Variants in PIK3C2A observed in about 807,000 individuals in gnomAD.
PIK3C2A encodes the protein phosphatidylinositol 4-phosphate 3-kinase C2 domain-containing subunit alpha.
In PIK3C2A, 97 loss-of-function variants were observed where a neutral mutation model predicts 204.5. That is an observed-to-expected ratio of 0.47 (90% CI 0.40 to 0.56). The LOEUF (loss-of-function observed/expected upper bound fraction) is 0.56. PIK3C2A is among the 20% of genes least tolerant of loss of function. The pLI, the probability that PIK3C2A is intolerant of heterozygous loss-of-function variation, is 0.00. For synonymous variants in PIK3C2A, 653 were observed against 664.4 expected, an observed-to-expected ratio of 0.98 and a Z score of 0.26; for missense variants, 1,735 against 1,969.2, an observed-to-expected ratio of 0.88 and a Z score of 2.25.
intron 1 of PIK3C2A, among the ~76,000 whole-genome samples, chr11:17,198,994 C>T (rs867379238): frequency 1.3e-5 from 2 of 151,958 alleles, no homozygotes; most frequent in Non-Finnish European, 2.9e-5. Context: ...TGACAGGCAC[C>T]TGTAATCCCA....
intron 2 of PIK3C2A, 40 bp from the exon 3 acceptor site, chr11:17,155,669 T>A (rs750644059): frequency 1.7e-6 from 2 of 1,175,524 alleles, no homozygotes. Flanking sequence ...AAGTGGAAGA[T>A]CCACAAAATG....
chr11:17,195,161 T>C (rs1852104310), intron 1 of PIK3C2A, among the ~76,000 whole-genome samples: 1 of 151,982 alleles, frequency 6.6e-6, no homozygotes, highest in Non-Finnish European at 1.5e-5. Flanking sequence ...ATACTCATAA[T>C]CCCAGCACTT....
rs73433263 is a variant in PIK3C2A, at chr11:17,153,153, C to T, written c.1169+2373G>A. ...ACACTATTAGATGAACTTTCTCGAC[C>T]GGGTGTGGTGGCTCACACCTGTAAT... On this transcript the variant is annotated intron_variant, in intron 3 of 32. Transcript: ENST00000691414. Among the ~76,000 whole-genome samples the T allele has an allele frequency of 6.4e-3, 974 of 152,144 alleles. 8 individuals carry two copies. Among genetic ancestry groups the T allele is most frequent in the African/African-American group, 0.021 (888 of 41,492 alleles).
At chr11:17,124,281 G>A (rs148163314) in intron 13 of PIK3C2A, among the ~76,000 whole-genome samples, 163 of 152,156 alleles carry the variant, frequency 1.1e-3, no homozygotes, top group African/African-American at 3.7e-3. Flanking sequence ...AAAGTTTCCT[G>A]TAATAAGTAC....
chr11:17,142,288 G>C (rs1295061455), intron 8 of PIK3C2A, among the ~76,000 whole-genome samples: 1 of 152,114 alleles, frequency 6.6e-6, no homozygotes, highest in Non-Finnish European at 1.5e-5. Context: ...TCAGTATAGG[G>C]ATATACCAAG....
intron 2 of PIK3C2A, among the ~76,000 whole-genome samples, chr11:17,168,185 A>G (rs1215295075): frequency 6.6e-6 from 1 of 152,238 alleles, no homozygotes; most frequent in Non-Finnish European, 1.5e-5. Context: ...CAATTTTTCA[A>G]TTGGCCTAAT....
rs1279069310 is a variant in PIK3C2A at position 17,089,078 on chromosome 11, A to C, written c.*660T>G. 1 of 152,250 alleles carries C rather than the reference A, an allele frequency of 6.6e-6. No individual in the cohort carries two copies. Among genetic ancestry groups the C allele is most frequent in the Non-Finnish European group, 1.5e-5 (1 of 68,042 alleles). The allele number at this position is 152,250 out of a possible 1,614,324, so 9.4% of individuals were successfully genotyped here. ...TACTAATTATTTATCAAATCAGGAA[A>C]AAAATCAGAAACGAAGTGCCAGGGA... On this transcript the variant is annotated 3_prime_UTR_variant, in exon 33 of 33. Transcript: ENST00000691414.
At position 17,087,820 on chromosome 11, in the gene PIK3C2A, T is replaced by A. The variant is rs1208539854; in HGVS notation, c.*1918A>T. Reference sequence around the variant, plus strand: ...GCTTTGATCTGCATTTTAATTAACATTAAATAGACAACACATTTTAACATT... The same window carrying A: ...GCTTTGATCTGCATTTTAATTAACAATAAATAGACAACACATTTTAACATT... On this transcript the variant is annotated 3_prime_UTR_variant, in exon 33 of 33. Transcript: ENST00000691414. 6.6e-6 allele frequency: 1 copy of A among 151,684 alleles called. No homozygotes were observed. The highest frequency in any genetic ancestry group is 1.9e-4 in the East Asian group (1 of 5,186). 9.4% of individuals were successfully genotyped at this position (151,684 alleles called of 1,614,324 possible).
At chr11:17,187,497 C>T (rs1851794345) in intron 1 of PIK3C2A, among the ~76,000 whole-genome samples, 1 of 152,168 alleles carries the variant, frequency 6.6e-6, no homozygotes, top group African/African-American at 2.4e-5. Flanking sequence ...AGAACACTTT[C>T]ATCACCCCAT....
At chr11:17,199,182 A>G (rs565573372) in intron 1 of PIK3C2A, among the ~76,000 whole-genome samples, 34 of 152,222 alleles carry the variant, frequency 2.2e-4, no homozygotes, top group Non-Finnish European at 4.1e-4. Flanking sequence ...CAATATCACT[A>G]GTCAACCTAC....
chr11:17,204,399 G>C (rs1852492244), intron 1 of PIK3C2A: 2 of 152,214 alleles, frequency 1.3e-5, no homozygotes. Flanking sequence ...ATGGATACCA[G>C]AAGTATTAAG....
chr11:17,172,218 C>T (rs1190759868), intron 1 of PIK3C2A, among the ~76,000 whole-genome samples: 1 of 152,154 alleles, frequency 6.6e-6, no homozygotes, highest in Non-Finnish European at 1.5e-5. Context: ...TTGAGCTAAG[C>T]GGGCCTTATG....
At chr11:17,107,452 C>T (rs950211988) in intron 22 of PIK3C2A, among the ~76,000 whole-genome samples, 1 of 152,052 alleles carries the variant, frequency 6.6e-6, no homozygotes, top group Admixed American at 6.6e-5. Flanking sequence ...AGATGGAGAA[C>T]TGTATTTCTG....
intron 9 of PIK3C2A, 142 bp from the exon 10 acceptor site, chr11:17,135,301 C>A: frequency 3.7e-6 from 3 of 803,562 alleles, no homozygotes; most frequent in Non-Finnish European, 4.0e-6. Flanking sequence ...ATAAATAATG[C>A]AAAAAGAAAG....
intron 24 of PIK3C2A, among the ~76,000 whole-genome samples, chr11:17,102,020 C>CA (rs1346010020): frequency 6.6e-6 from 1 of 152,126 alleles, no homozygotes; most frequent in Admixed American, 6.5e-5. Flanking sequence ...TCCACATACC[C>CA]AAAGAGATCA....
chr11:17,177,784 C>T (rs1009991982), intron 1 of PIK3C2A, among the ~76,000 whole-genome samples: 12 of 152,014 alleles, frequency 7.9e-5, no homozygotes, highest in Non-Finnish European at 1.0e-4. Context: ...TCGGTTACAG[C>T]GACGCTGTCC....
At position 17,097,274 on chromosome 11, in the gene PIK3C2A, A is replaced by C; in HGVS notation, c.4119-10T>G. 6.3e-7 allele frequency: 1 copy of C among 1,578,930 alleles called. No individual in the cohort carries two copies. Among genetic ancestry groups the C allele is most frequent in the Non-Finnish European group, 8.7e-7 (1 of 1,150,718 alleles). ...ACTTGATTCAATAAGCCTACAAAATAATCAGAAAATTCGTTAACAGTAAAT... is the reference window on the plus strand; with the variant it reads ...ACTTGATTCAATAAGCCTACAAAATCATCAGAAAATTCGTTAACAGTAAAT... On this transcript the variant is annotated splice_polypyrimidine_tract_variant and intron_variant, in intron 26 of 32. Transcript: ENST00000691414.
intron 25 of PIK3C2A, among the ~76,000 whole-genome samples, chr11:17,101,014 TCCAGCTA>T (rs1250171340): frequency 7.9e-5 from 12 of 152,196 alleles, no homozygotes; most frequent in Non-Finnish European, 1.5e-4. Flanking sequence ...TGCCTTGGGG[TCCAGCTA>T]CTAATACTTC....
intron 19 of PIK3C2A, 128 bp downstream of exon 19, chr11:17,117,363 A>G (rs1225025242): frequency 9.3e-6 from 5 of 538,032 alleles, no homozygotes; most frequent in African/African-American, 1.9e-5. Flanking sequence ...ATCTGCCCCA[A>G]ATAGCATGGG....
Sources: gnomAD v4.1 joint callset for allele counts (sites outside exome capture counted in the v4.1 genomes callset) on GRCh38, gnomAD v4.1.1 for gene constraint, MANE v1.5 for transcripts, NCBI Gene and HGNC (gene_info 2026-07-23, HGNC 2026-07-21) for gene names.